The following ABCA1 variants were observed in gnomAD, a reference collection of about 807,000 sequenced individuals.
ABCA1 encodes phospholipid-transporting ATPase ABCA1.
ABCA1 carries 133 observed loss-of-function variants against 262.5 expected under a neutral mutation model. That is an observed-to-expected ratio of 0.51 (90% CI 0.44 to 0.59). The LOEUF (loss-of-function observed/expected upper bound fraction) is 0.59, where lower values mean the gene tolerates loss of function less well. ABCA1 is among the 20% of genes least tolerant of loss of function. The pLI, the probability that ABCA1 is intolerant of heterozygous loss-of-function variation, is 0.00. For missense variants in ABCA1, 2,452 were observed against 2,777.5 expected (o/e 0.88, Z 2.63); for synonymous variants, 1,022 against 1,043.5 (o/e 0.98, Z 0.40).
chr9:104,820,035 G>A lies in ABCA1; in HGVS notation c.2995C>T (p.Arg999Cys), dbSNP rs138735406. The change falls in exon 21 of 50, where the codon CGC (arginine) becomes TGC (cysteine). Residue 999 changes from arginine (R) to cysteine (C), a missense_variant. Transcript: ENST00000374736. ...TGCTTCTCAGAGAGCCCTTTCAAGCGGGCATAGAACCAGATGTGTTCTTCG... is the reference window on the plus strand; with the variant it reads ...TGCTTCTCAGAGAGCCCTTTCAAGCAGGCATAGAACCAGATGTGTTCTTCG... Reference protein sequence around the residue: ...TVEEHIWFYARLKGLSEKHVK... With the variant: ...TVEEHIWFYACLKGLSEKHVK... The A allele has an allele frequency of 2.7e-5, 44 of 1,613,918 alleles. No individual in the cohort carries two copies. Among genetic ancestry groups the A allele is most frequent in the Admixed American group, 8.3e-5 (5 of 59,994 alleles).
intron 29 of ABCA1, 55 bp downstream of exon 29, chr9:104,810,745 C>T (rs1439929454): frequency 1.3e-5 from 21 of 1,613,544 alleles, no homozygotes; most frequent in African/African-American, 2.7e-5. Flanking sequence ...CCCTCGTAAA[C>T]ATCTTTGGTC....
chr9:104,830,645 G>A (rs957655751), intron 14 of ABCA1, among the ~76,000 whole-genome samples: 6 of 151,722 alleles, frequency 4.0e-5, no homozygotes, highest in African/African-American at 1.2e-4. Context: ...AGCCGAGATC[G>A]AGCCACTGCA....
chr9:104,839,119 C>A (rs1171461446), intron 9 of ABCA1, among the ~76,000 whole-genome samples: 1 of 152,246 alleles, frequency 6.6e-6, no homozygotes, highest in African/African-American at 2.4e-5. Flanking sequence ...AAGGATGCCA[C>A]TGCCTAAAAC....
intron 18 of ABCA1, among the ~76,000 whole-genome samples, chr9:104,823,679 C>T (rs1832575571): frequency 6.6e-6 from 1 of 151,970 alleles, no homozygotes; most frequent in South Asian, 2.1e-4. Context: ...AGAAAGTTCT[C>T]CTGTGAGAGC....
rs748163361 is a variant in ABCA1, at chr9:104,792,810, G to C, written c.5733C>G (p.Ile1911Met). The C allele has an allele frequency of 1.5e-5, 24 of 1,613,938 alleles. No homozygotes were observed. Among genetic ancestry groups the C allele is most frequent in the Non-Finnish European group, 1.7e-6 (2 of 1,180,012 alleles). The stretch of plus-strand genomic sequence containing the variant: ...CCTTCGTCAACTCCTTGATTTCTAA[G>C]ATGTCATTCTGGCCTCCACCATCAA... Reference protein sequence around the residue: ...RILDGGGQNDILEIKELTKIY... With the variant: ...RILDGGGQNDMLEIKELTKIY... Residue 1911 changes from isoleucine (I) to methionine (M), a missense_variant, in exon 42 of 50, where the codon ATC (isoleucine) becomes ATG (methionine). By Grantham distance (10) the Ile-to-Met change is conservative (BLOSUM62 1). This residue lies in a region of ABCA1 where 752 missense variants were observed against 944.5 expected (regional missense o/e 0.80). Transcript: ENST00000374736.
intron 2 of ABCA1, among the ~76,000 whole-genome samples, chr9:104,892,735 T>C (rs1839860753): frequency 6.6e-6 from 1 of 152,192 alleles, no homozygotes; most frequent in African/African-American, 2.4e-5. Context: ...ATGTTAACAA[T>C]ACGTATTCAA....
chr9:104,890,883 G>A (rs967593124), intron 2 of ABCA1, among the ~76,000 whole-genome samples: 1 of 152,168 alleles, frequency 6.6e-6, no homozygotes, highest in Non-Finnish European at 1.5e-5. Flanking sequence ...ACCTCCCAGA[G>A]ACAATCCCTA....
chr9:104,831,634 T>C lies in ABCA1; in HGVS notation c.1703A>G (p.Lys568Arg). 2 of 1,613,474 alleles carry C rather than the reference T, an allele frequency of 1.2e-6. No individual in the cohort carries two copies. The highest frequency in any genetic ancestry group is 1.7e-6 in the Non-Finnish European group (2 of 1,179,520). ...GGATTCCACTTACCCATCCTTGATT[T>C]TATTTGTCCTCTCCACATTGTCAAT... Reference protein sequence around the residue: ...MDIDNVERTNKIKDGYWDPGP... With the variant: ...MDIDNVERTNRIKDGYWDPGP... Residue 568 changes from lysine to arginine, a missense_variant, in exon 13 of 50, where the codon AAA (lysine) becomes AGA (arginine). Around this residue, in one of 4 missense-constraint regions of ABCA1, gnomAD observed 1,032 missense variants for 1,089.7 expected, o/e 0.95. Coordinates refer to ENST00000374736, the MANE Select transcript of ABCA1 (RefSeq NM_005502.4).
At chr9:104,913,462 T>C (rs1286972210) in intron 1 of ABCA1, among the ~76,000 whole-genome samples, 1 of 152,224 alleles carries the variant, frequency 6.6e-6, no homozygotes, top group Non-Finnish European at 1.5e-5. Context: ...GCTATTACCA[T>C]GATTAATTCT....
At chr9:104,903,549 T>A in intron 2 of ABCA1, 65 bp downstream of exon 2, 2 of 1,463,874 alleles carry the variant, frequency 1.4e-6, no homozygotes, top group Non-Finnish European at 1.9e-6. Flanking sequence ...CCTCCTCCAA[T>A]CCCCAACTCA....
chr9:104,813,282 A>G (rs1831440643), intron 27 of ABCA1, among the ~76,000 whole-genome samples: 1 of 152,228 alleles, frequency 6.6e-6, no homozygotes, highest in South Asian at 2.1e-4. Flanking sequence ...AATTTTCTAG[A>G]AATCCTTGTC....
intron 1 of ABCA1, among the ~76,000 whole-genome samples, chr9:104,904,386 G>A (rs922529129): frequency 7.9e-5 from 12 of 151,422 alleles, no homozygotes; most frequent in Non-Finnish European, 1.2e-4. Context: ...TAGCCAATAC[G>A]GTGAAACCCC....
intron 23 of ABCA1, among the ~76,000 whole-genome samples, chr9:104,818,037 T>A (rs1352112829): frequency 6.6e-6 from 1 of 152,174 alleles, no homozygotes; most frequent in Non-Finnish European, 1.5e-5. Context: ...GTCCCACCAC[T>A]GTTATTTACC....
In ABCA1 at chr9:104,884,339, C is replaced by A. The variant is rs1411622796; in HGVS notation, c.302+88G>T. On this transcript the variant is annotated intron_variant, in intron 4 of 49. Transcript: ENST00000374736. ...TTTACAAAAACAACTTCACTTAAATCCAGCCATTCAAAATTCTCCAGAGGA... is the reference window on the plus strand; with the variant it reads ...TTTACAAAAACAACTTCACTTAAATACAGCCATTCAAAATTCTCCAGAGGA... 3.2e-6 allele frequency: 5 copies of A among 1,539,456 alleles called. No individual in the cohort carries two copies. In the African/African-American group the frequency reaches 6.8e-5, roughly 21 times the overall value.
In ABCA1 at chr9:104,840,345, A is replaced by G. The variant is rs779327218; in HGVS notation, c.988T>C (p.Tyr330His). The G allele has an allele frequency of 6.2e-7, 1 of 1,614,182 alleles. No individual in the cohort carries two copies. The highest frequency in any genetic ancestry group is 1.7e-5 in the Admixed American group (1 of 60,020). ...CCATTGCCTCCAAAGAGGGCTTTGTAGTTGTTGTCCTCATACCAGTTGAGA... is the reference window on the plus strand; with the variant it reads ...CCATTGCCTCCAAAGAGGGCTTTGTGGTTGTTGTCCTCATACCAGTTGAGA... ...KSLNWYEDNN[Y>H]KALFGGNGTE... Residue 330 changes from tyrosine (Y) to histidine (H), a missense_variant, in exon 9 of 50, where the codon TAC (tyrosine) becomes CAC (histidine). Physicochemically the swap from Tyr to His is moderately conservative, Grantham distance 83. This residue lies in a region of ABCA1 where 1,032 missense variants were observed against 1,089.7 expected (regional missense o/e 0.95). Coordinates refer to ENST00000374736, the MANE Select transcript of ABCA1 (RefSeq NM_005502.4).
At chr9:104,840,574 T>C (rs1175242676) in intron 8 of ABCA1, 55 bp from the exon 9 acceptor site, 2 of 1,546,680 alleles carry the variant, frequency 1.3e-6, no homozygotes, top group Non-Finnish European at 1.8e-6. Flanking sequence ...AAAAGGGCAG[T>C]GCAAGGGTTG....
At position 104,858,458 on chromosome 9, in the gene ABCA1, G is replaced by A. The variant is rs997541103; in HGVS notation, c.720+64C>T. On this transcript the variant is annotated intron_variant, in intron 7 of 49. Coordinates refer to ENST00000374736, the MANE Select transcript of ABCA1 (RefSeq NM_005502.4). Reference sequence around the variant, plus strand: ...TACAAAACAAAGTCATGCTGTCCAAGGAAAAGCCTCACATTCCGAAAGCAT... The same window carrying A: ...TACAAAACAAAGTCATGCTGTCCAAAGAAAAGCCTCACATTCCGAAAGCAT... 6.5e-6 allele frequency: 10 copies of A among 1,538,220 alleles called. No homozygotes were observed. In the Admixed American group the frequency reaches 8.3e-5, roughly 13 times the overall value.
rs773016960 is a variant in ABCA1, at chr9:104,792,778, T to C, written c.5757+8A>G. The C allele has an allele frequency of 6.2e-7, 1 of 1,614,062 alleles. No individual in the cohort carries two copies. Among genetic ancestry groups the C allele is most frequent in the Non-Finnish European group, 8.5e-7 (1 of 1,179,942 alleles). ...GAAGATGAGCTATTGTAACCTGTAC[T>C]CTCTCACCTTCGTCAACTCCTTGAT... is the stretch of plus-strand genomic sequence containing the variant. On this transcript the variant is annotated splice_region_variant and intron_variant, in intron 42 of 49. Transcript: ENST00000374736.
At position 104,817,551 on chromosome 9, in the gene ABCA1, T is replaced by C; in HGVS notation, c.3463-147A>G. On this transcript the variant is annotated intron_variant, in intron 23 of 49. Coordinates refer to ENST00000374736, the MANE Select transcript of ABCA1 (RefSeq NM_005502.4). This position sits in a 1 kb window ranked among gnomAD's most constrained non-coding sequence, Gnocchi z 4.7. ...CCTGGGACACATGCACTGGCAGCCG[T>C]GGCTTCAGAGGACCCTGTCTGGCAT... The C allele has an allele frequency of 1.2e-6, 1 of 862,210 alleles. No individual in the cohort carries two copies. Among genetic ancestry groups the C allele is most frequent in the African/African-American group, 1.7e-5 (1 of 60,038 alleles). The allele number at this position is 862,210 out of a possible 1,614,324, so 53.4% of individuals were successfully genotyped here. A position where few individuals can be genotyped will look rare whatever the true frequency, so the allele number is the denominator to read the frequency against.
Sources: gnomAD v4.1 joint callset for allele counts (sites outside exome capture counted in the v4.1 genomes callset) on GRCh38, gnomAD v4.1.1 for gene constraint, gnomAD v4.1.1 regional missense constraint, Gnocchi (gnomAD v3.1) non-coding constraint, MANE v1.5 for transcripts, NCBI Gene and HGNC (gene_info 2026-07-23, HGNC 2026-07-21) for gene names.